The following RAD51B variants were observed in gnomAD, a reference collection of about 807,000 sequenced individuals.
The protein encoded by RAD51B is RAD51 paralog B.
RAD51B carries 38 observed loss-of-function variants against 42.2 expected under a neutral mutation model. The ratio of observed to expected loss-of-function variants is 0.90; its 90% CI spans 0.70 to 1.18. RAD51B has a LOEUF of 1.18. Among genes scored for constraint, RAD51B ranks in the 50% most tolerant of loss-of-function variants. The pLI, the probability that RAD51B is intolerant of heterozygous loss-of-function variation, is 0.00. For synonymous variants in RAD51B, 154 were observed against 145.2 expected (o/e 1.06, Z -0.43); for missense variants, 373 against 400.7 (o/e 0.93, Z 0.59).
chr14:67,888,180 A>T (rs978392049), intron 7 of RAD51B, among the ~76,000 whole-genome samples: 2 of 152,190 alleles, frequency 1.3e-5, no homozygotes, highest in African/African-American at 4.8e-5. Flanking sequence ...GCATACTTTA[A>T]TGGCTTTTTA....
intron 10 of RAD51B, among the ~76,000 whole-genome samples, chr14:68,490,241 G>T (rs575832628): frequency 1.5e-3 from 224 of 152,190 alleles, no homozygotes; most frequent in Non-Finnish European, 1.9e-3. Flanking sequence ...TATTTTTAAA[G>T]TATCAATTCT....
At chr14:67,907,756 T>C (rs1010356549) in intron 7 of RAD51B, among the ~76,000 whole-genome samples, 1 of 151,662 alleles carries the variant, frequency 6.6e-6, no homozygotes, top group Non-Finnish European at 1.5e-5. Flanking sequence ...GGAGCATGTA[T>C]CATGTTGTAG....
rs1438872235 is a variant in RAD51B at position 67,855,996 on chromosome 14, C to G, written c.316-9007C>G. Among the ~76,000 whole-genome samples the G allele has an allele frequency of 2.0e-5, 3 of 152,238 alleles. No homozygotes were observed. In the East Asian group the frequency reaches 5.8e-4, roughly 29 times the overall value. Reference sequence around the variant, plus strand: ...TTGTTCCCAATTCTTCACTTACTCTCTAATTTAGAAATAAACATTCTGCTC... The same window carrying G: ...TTGTTCCCAATTCTTCACTTACTCTGTAATTTAGAAATAAACATTCTGCTC... On this transcript the variant is annotated intron_variant, in intron 4 of 10. Coordinates refer to ENST00000471583, the MANE Select transcript of RAD51B (RefSeq NM_133510.4).
intron 5 of RAD51B, among the ~76,000 whole-genome samples, chr14:67,882,762 T>C (rs992323591): frequency 3.9e-5 from 6 of 152,180 alleles, no homozygotes; most frequent in Non-Finnish European, 8.8e-5. Flanking sequence ...CTTTTTTTTT[T>C]TGAGACGGAG....
At chr14:67,856,445 A>G (rs2042002556) in intron 4 of RAD51B, among the ~76,000 whole-genome samples, 1 of 152,002 alleles carries the variant, frequency 6.6e-6, no homozygotes, top group Admixed American at 6.6e-5. Context: ...CTGAAGACCT[A>G]CTCATATTTC....
intron 9 of RAD51B, among the ~76,000 whole-genome samples, chr14:68,463,487 T>C (rs1236134530): frequency 6.6e-6 from 1 of 152,120 alleles, no homozygotes; most frequent in East Asian, 1.9e-4. Flanking sequence ...CTTAATATAG[T>C]ATATGCTAGT....
At chr14:68,147,688 T>C (rs191448643) in intron 7 of RAD51B, among the ~76,000 whole-genome samples, 1 of 152,032 alleles carries the variant, frequency 6.6e-6, no homozygotes, top group African/African-American at 2.4e-5. Flanking sequence ...TAATGGTAAA[T>C]GAAGAAGTTG....
intron 7 of RAD51B, among the ~76,000 whole-genome samples, chr14:68,209,642 G>T (rs2079661503): frequency 6.6e-6 from 1 of 152,096 alleles, no homozygotes; most frequent in Non-Finnish European, 1.5e-5. Flanking sequence ...ATCTACTTTT[G>T]GGAAGATGAT....
chr14:68,376,663 A>G (rs1406604725), intron 8 of RAD51B, among the ~76,000 whole-genome samples: 1 of 152,248 alleles, frequency 6.6e-6, no homozygotes, highest in Non-Finnish European at 1.5e-5. Context: ...ACATAGTACC[A>G]GAAGCTTGCT....
intron 7 of RAD51B, among the ~76,000 whole-genome samples, chr14:68,173,911 A>G (rs1036359498): frequency 6.6e-6 from 1 of 152,216 alleles, no homozygotes; most frequent in South Asian, 2.1e-4. Context: ...TGAAAGGGAT[A>G]CTTCTAGCCA....
chr14:68,319,808 A>C (rs948690063), intron 8 of RAD51B, among the ~76,000 whole-genome samples: 3 of 152,206 alleles, frequency 2.0e-5, no homozygotes, highest in African/African-American at 7.2e-5. Context: ...GTCTCACTAG[A>C]CATGGTTCTG....
intron 8 of RAD51B, among the ~76,000 whole-genome samples, chr14:68,293,515 G>A (rs2081554219): frequency 6.6e-6 from 1 of 151,952 alleles, no homozygotes; most frequent in South Asian, 2.1e-4. Flanking sequence ...TTTAGTTCCT[G>A]CCGATATCTT....
chr14:68,102,945 T>C (rs1041341028), intron 7 of RAD51B, among the ~76,000 whole-genome samples: 4 of 152,130 alleles, frequency 2.6e-5, no homozygotes, highest in Non-Finnish European at 5.9e-5. Context: ...GAAGCAAACA[T>C]GTCCTTCTTC....
intron 10 of RAD51B, among the ~76,000 whole-genome samples, chr14:68,571,194 A>G (rs967127922): frequency 6.6e-6 from 1 of 152,204 alleles, no homozygotes; most frequent in African/African-American, 2.4e-5. Flanking sequence ...AAGGCCTTGC[A>G]TGCTGCAGTG....
intron 10 of RAD51B, among the ~76,000 whole-genome samples, chr14:68,640,561 T>C (rs777581673): frequency 6.6e-6 from 1 of 152,244 alleles, no homozygotes; most frequent in Non-Finnish European, 1.5e-5. Flanking sequence ...AAGAAGCTTA[T>C]GCTCTGGTAG....
intron 10 of RAD51B, among the ~76,000 whole-genome samples, chr14:68,489,110 C>T (rs887206296): frequency 1.3e-5 from 2 of 150,948 alleles, no homozygotes; most frequent in African/African-American, 2.4e-5. Context: ...CACGCCACCA[C>T]GCCTGGCTAA....
At chr14:68,234,647 AT>A (rs2080211222) in intron 7 of RAD51B, among the ~76,000 whole-genome samples, 1 of 152,214 alleles carries the variant, frequency 6.6e-6, no homozygotes, top group Non-Finnish European at 1.5e-5. Flanking sequence ...CAGTAAATAT[AT>A]GGTATAAGAG....
chr14:68,087,938 TTTA>T (rs1214367701), intron 7 of RAD51B, among the ~76,000 whole-genome samples: 19,857 of 121,838 alleles, frequency 0.16, 1,956 homozygotes, highest in Middle Eastern at 0.31. Flanking sequence ...AATTATATAA[TTTA>T]TTATTATATA....
chr14:68,596,669 CAGAT>C (rs1449589163), downstream of RAD51B, among the ~76,000 whole-genome samples: 1 of 152,232 alleles, frequency 6.6e-6, no homozygotes, highest in African/African-American at 2.4e-5. Flanking sequence ...TCCTGCAAAA[CAGAT>C]AGGCCTGGCA....
Sources: gnomAD v4.1 joint callset for allele counts (sites outside exome capture counted in the v4.1 genomes callset) on GRCh38, gnomAD v4.1.1 for gene constraint, MANE v1.5 for transcripts, NCBI Gene and HGNC (gene_info 2026-07-23, HGNC 2026-07-21) for gene names.